SCHIP1: variants seen among roughly 807,000 people sequenced by gnomAD.
SCHIP1 encodes the protein schwannomin-interacting protein 1.
Under a neutral mutation model 29.7 loss-of-function variants are expected in SCHIP1, and 8 were observed. That is an observed-to-expected ratio of 0.27 (90% confidence interval 0.16 to 0.49). The LOEUF (loss-of-function observed/expected upper bound fraction) is 0.49. SCHIP1 is among the 20% of genes least tolerant of loss of function. The pLI, the probability that SCHIP1 is intolerant of heterozygous loss-of-function variation, is 0.99. For synonymous variants in SCHIP1, 76 were observed against 94.9 expected, an observed-to-expected ratio of 0.80 and a Z score of 1.16; for missense variants, 193 against 294.6, an observed-to-expected ratio of 0.66 and a Z score of 2.52.
At chr3:159,319,757 C>A in the SCHIP1 span, among the ~76,000 whole-genome samples, 4 of 152,042 alleles carry the variant, frequency 2.6e-5, no homozygotes, top group African/African-American at 9.7e-5. Context: ...ATGTTGTTTC[C>A]TAGTTTTCAA....
the SCHIP1 span, among the ~76,000 whole-genome samples, chr3:159,510,201 A>C: frequency 6.6e-6 from 1 of 151,674 alleles, no homozygotes; most frequent in Non-Finnish European, 1.5e-5. Flanking sequence ...TTCTCTTCTC[A>C]TTTCATTTCA....
chr3:159,720,531 C>G, the SCHIP1 span, among the ~76,000 whole-genome samples: 3 of 152,154 alleles, frequency 2.0e-5, no homozygotes, highest in East Asian at 5.8e-4. Flanking sequence ...CTTCGTTCCC[C>G]TAGCTTATCT....
At chr3:159,362,700 T>TC in the SCHIP1 span, among the ~76,000 whole-genome samples, 10 of 152,042 alleles carry the variant, frequency 6.6e-5, no homozygotes, top group African/African-American at 1.2e-4. Context: ...GGCCAGGATT[T>TC]CCCCCCCGGC....
At chr3:159,868,750 G>A (rs773349288) in intron 2 of SCHIP1, among the ~76,000 whole-genome samples, 32 of 152,108 alleles carry the variant, frequency 2.1e-4, no homozygotes, top group African/African-American at 4.6e-4. Context: ...ACAATGCTAC[G>A]TATAAACATT....
At chr3:159,582,809 C>CAT in the SCHIP1 span, among the ~76,000 whole-genome samples, 2 of 151,510 alleles carry the variant, frequency 1.3e-5, no homozygotes, top group African/African-American at 4.8e-5. Flanking sequence ...CACACACACA[C>CAT]ACACACACAC....
chr3:159,488,279 A>G, the SCHIP1 span, among the ~76,000 whole-genome samples: 1 of 152,294 alleles, frequency 6.6e-6, no homozygotes, highest in South Asian at 2.1e-4. Flanking sequence ...AGTACAACAG[A>G]GTGACTACAG....
chr3:159,693,483 T>C, the SCHIP1 span, among the ~76,000 whole-genome samples: 1 of 152,242 alleles, frequency 6.6e-6, no homozygotes, highest in Non-Finnish European at 1.5e-5. Context: ...AATTGGATCC[T>C]GATCCATATG....
the SCHIP1 span, among the ~76,000 whole-genome samples, chr3:159,590,562 C>T: frequency 6.1e-3 from 907 of 149,272 alleles, 12 homozygotes; most frequent in African/African-American, 0.022. Context: ...GGCAACAAAG[C>T]GAGACACCAT....
At chr3:159,293,162 C>T in the SCHIP1 span, among the ~76,000 whole-genome samples, 10 of 152,114 alleles carry the variant, frequency 6.6e-5, no homozygotes, top group African/African-American at 1.2e-4. Flanking sequence ...TTAATATTTG[C>T]GTACATTACC....
the SCHIP1 span, among the ~76,000 whole-genome samples, chr3:159,565,084 G>A: frequency 2.3e-4 from 35 of 152,226 alleles, no homozygotes; most frequent in East Asian, 5.6e-3. Flanking sequence ...TCTCAAGCTA[G>A]AGTTCTTTGA....
At chr3:159,405,416 T>C in the SCHIP1 span, among the ~76,000 whole-genome samples, 1 of 152,360 alleles carries the variant, frequency 6.6e-6, no homozygotes, top group Admixed American at 6.5e-5. Context: ...GAAGGAATTA[T>C]TAATTCTATC....
chr3:159,639,746 T>G, the SCHIP1 span, among the ~76,000 whole-genome samples: 3 of 152,124 alleles, frequency 2.0e-5, no homozygotes, highest in Non-Finnish European at 4.4e-5. Context: ...TCCACGTAGT[T>G]TGGAAGGTAA....
intron 1 of SCHIP1, among the ~76,000 whole-genome samples, chr3:159,865,458 C>T (rs188705850): frequency 3.3e-5 from 5 of 152,294 alleles, no homozygotes; most frequent in Non-Finnish European, 7.4e-5. Context: ...TTTCTATGCA[C>T]ACTGACCTGA....
At chr3:159,308,915 A>C in the SCHIP1 span, among the ~76,000 whole-genome samples, 1 of 152,182 alleles carries the variant, frequency 6.6e-6, no homozygotes, top group Non-Finnish European at 1.5e-5. Context: ...GCAGGAACAA[A>C]AAGCAGCTAC....
chr3:159,773,623 T>G, the SCHIP1 span, among the ~76,000 whole-genome samples: 1 of 152,242 alleles, frequency 6.6e-6, no homozygotes, highest in African/African-American at 2.4e-5. Flanking sequence ...GGAAGTAGAT[T>G]CTAATTTTTA....
At chr3:159,776,239 AT>A in the SCHIP1 span, among the ~76,000 whole-genome samples, 1,625 of 151,602 alleles carry the variant, frequency 0.011, 11 homozygotes, top group Non-Finnish European at 0.016. Context: ...ATTGCAGACA[AT>A]TTTTTTTCTT....
chr3:159,409,648 T>C, the SCHIP1 span, among the ~76,000 whole-genome samples: 3 of 152,066 alleles, frequency 2.0e-5, no homozygotes, highest in Admixed American at 2.0e-4. Flanking sequence ...CACAGAAATA[T>C]GGAAAGATAT....
chr3:159,424,950 A>C, the SCHIP1 span, among the ~76,000 whole-genome samples: 4 of 152,082 alleles, frequency 2.6e-5, no homozygotes, highest in South Asian at 2.1e-4. Context: ...TAAGCTTCAT[A>C]AGTGAAGGAG....
chr3:159,662,932 T>C, the SCHIP1 span, among the ~76,000 whole-genome samples: 1 of 152,228 alleles, frequency 6.6e-6, no homozygotes, highest in African/African-American at 2.4e-5. Flanking sequence ...TTCATTGAAT[T>C]GTGTTGCTTT....
Sources: gnomAD v4.1 joint callset for allele counts (sites outside exome capture counted in the v4.1 genomes callset) on GRCh38, gnomAD v4.1.1 for gene constraint, MANE v1.5 for transcripts, NCBI Gene and HGNC (gene_info 2026-07-23, HGNC 2026-07-21) for gene names.